Variants in C1orf167 observed in about 807,000 individuals in gnomAD.
The protein encoded by C1orf167 is chromosome 1 open reading frame 167.
In C1orf167, 153 loss-of-function variants were observed where a neutral mutation model predicts 176.5. That is an observed-to-expected ratio of 0.87 (90% CI 0.76 to 0.99). The LOEUF is 0.99. Ranked by LOEUF, C1orf167 falls within the 50% of genes least tolerant of loss-of-function variation. C1orf167 has a pLI of 0.00. For synonymous variants in C1orf167, 594 were observed against 752.7 expected, an observed-to-expected ratio of 0.79 and a Z score of 3.45; for missense variants, 1,490 against 1,817.7, an observed-to-expected ratio of 0.82 and a Z score of 3.28.
At chr1:11,769,892 G>A (rs1642973163) in intron 6 of C1orf167, among the ~76,000 whole-genome samples, 1 of 152,054 alleles carries the variant, frequency 6.6e-6, no homozygotes, top group African/African-American at 2.4e-5. Context: ...AGGACCTCAA[G>A]TGATCCACCT....
Position 11,766,511 on chromosome 1 carries a change from CT to C in C1orf167, c.727del (p.Ser243LeufsTer82). On this transcript the variant is annotated frameshift_variant, in exon 3 of 21. Coordinates refer to ENST00000688073, the MANE Select transcript of C1orf167 (RefSeq NM_001010881.2). LOFTEE classifies it high-confidence loss of function. The surrounding 1 kb of genome is among the most constrained non-coding windows in gnomAD (Gnocchi z 4.5). ...PSRAAVHQLL[A>X]SVHCLAQEAA... ...CGTGCTGCCGTCCACCAGCTGCTGGCTTCTGTACATTGCCTGGCGCAGGAGG... is the reference window on the plus strand; with the variant it reads ...CGTGCTGCCGTCCACCAGCTGCTGGCTCTGTACATTGCCTGGCGCAGGAGG... 4 of 1,276,100 alleles carry C rather than the reference CT, an allele frequency of 3.1e-6. No individual in the cohort carries two copies. The highest frequency in any genetic ancestry group is 4.1e-6 in the Non-Finnish European group (4 of 981,716). The allele number at this position is 1,276,100 out of a possible 1,614,324, so 79.0% of individuals were successfully genotyped here.
At chr1:11,767,289 A>C in intron 4 of C1orf167, 25 bp downstream of exon 4, 35 of 1,190,100 alleles carry the variant, frequency 2.9e-5, no homozygotes, top group Non-Finnish European at 3.7e-5. Context: ...GGGTGGGGAC[A>C]GGGGTTGGAG....
At position 11,776,502 on chromosome 1, in the gene C1orf167, G is replaced by A. The variant is rs1643322938; in HGVS notation, c.2203G>A (p.Gly735Ser). The A allele has an allele frequency of 3.1e-6, 4 of 1,301,514 alleles. No homozygotes were observed. The highest frequency in any genetic ancestry group is 3.0e-6 in the Non-Finnish European group (3 of 987,830). 80.6% of individuals were successfully genotyped at this position (1,301,514 alleles called of 1,614,324 possible). The part of the protein sequence containing the change: ...AVYTAGPGAC[G>S]LGAVGQAQGQ... The stretch of plus-strand genomic sequence containing the variant: ...CTACACCGCAGGCCCTGGAGCCTGT[G>A]GCCTGGGTGCAGTGGGCCAGGCCCA... Residue 735 changes from glycine to serine, a missense_variant, in exon 10 of 21, where the codon GGC becomes AGC. Physicochemically the swap from Gly to Ser is moderately conservative, Grantham distance 56. Coordinates refer to ENST00000688073, the MANE Select transcript of C1orf167 (RefSeq NM_001010881.2).
At chr1:11,772,855 C>CT (rs55638126) in intron 8 of C1orf167, among the ~76,000 whole-genome samples, 15,260 of 144,952 alleles carry the variant, frequency 0.11, 840 homozygotes, top group South Asian at 0.2. Context: ...CTATGAGTTT[C>CT]TTTTTTTGCT....
chr1:11,769,580 T>G (rs1034050077), intron 6 of C1orf167, among the ~76,000 whole-genome samples: 4 of 151,340 alleles, frequency 2.6e-5, no homozygotes, highest in African/African-American at 9.7e-5. Flanking sequence ...AAAAACAAGC[T>G]GAAAAGCAGC....
intron 20 of C1orf167, 163 bp downstream of exon 20, chr1:11,788,909 C>G: frequency 2.1e-6 from 1 of 470,724 alleles, no homozygotes; most frequent in South Asian, 1.9e-5. Flanking sequence ...AACACACAGG[C>G]TGGATGCTGG....
chr1:11,789,133 G>A (rs1644001097), intron 20 of C1orf167, 137 bp from the exon 21 acceptor site: 1 of 836,394 alleles, frequency 1.2e-6, no homozygotes, highest in Non-Finnish European at 1.7e-6. Context: ...GCCTAGGCAA[G>A]ACTGGCTGGC....
chr1:11,767,960 C>A, intron 4 of C1orf167, 117 bp from the exon 5 acceptor site: 1 of 704,636 alleles, frequency 1.4e-6, no homozygotes, highest in Non-Finnish European at 2.0e-6. Context: ...CCTGTTGTGG[C>A]GTGGGTCATC....
At chr1:11,764,757 TAAGA>T (rs1642703968) in intron 2 of C1orf167, among the ~76,000 whole-genome samples, 1 of 152,056 alleles carries the variant, frequency 6.6e-6, no homozygotes, top group African/African-American at 2.4e-5. Context: ...GCTGAGGCTT[TAAGA>T]AAGCCACAGA....
Position 11,787,392 on chromosome 1 carries a change from G to T in C1orf167, c.3572G>T (p.Arg1191Leu). The T allele has an allele frequency of 7.7e-7, 1 of 1,292,444 alleles. No homozygotes were observed. The highest frequency in any genetic ancestry group is 1.0e-6 in the Non-Finnish European group (1 of 982,848). The allele number at this position is 1,292,444 out of a possible 1,614,324, so 80.1% of individuals were successfully genotyped here. A position where few individuals can be genotyped will look rare whatever the true frequency, so the allele number is the denominator to read the frequency against. ...RLGLPGAGKTRSCWTQATELV... is the reference protein window; with the variant it reads ...RLGLPGAGKTLSCWTQATELV... ...CCTCTCTGGCTATTCCTTCAGACCC[G>T]CAGCTGCTGGACACAGGCCACAGAG... Residue 1191 changes from arginine (R) to leucine (L), a missense_variant, in exon 17 of 21, where the codon CGC (arginine) becomes CTC (leucine). Physicochemically the swap from Arg to Leu is moderately radical, Grantham distance 102. Transcript: ENST00000688073.
intron 13 of C1orf167, among the ~76,000 whole-genome samples, chr1:11,781,698 C>G (rs568674162): frequency 1.4e-4 from 22 of 152,230 alleles, no homozygotes; most frequent in Admixed American, 1.3e-3. Context: ...ATCACGAGGT[C>G]AGGAGATCGA....
chr1:11,779,808 C>A lies in C1orf167; in HGVS notation c.2658C>A (p.Phe886Leu). Residue 886 changes from phenylalanine (F) to leucine (L), a missense_variant, in exon 13 of 21, where the codon TTC (phenylalanine) becomes TTA (leucine). Physicochemically the swap from Phe to Leu is conservative, Grantham distance 22. Coordinates refer to ENST00000688073, the MANE Select transcript of C1orf167 (RefSeq NM_001010881.2). ...WYQHTRQRRIFLSWSRWATAQ... is the reference protein window; with the variant it reads ...WYQHTRQRRILLSWSRWATAQ... ...TGGACCCTCCCTTTCCCAGCATCTT[C>A]CTCAGCTGGAGCCGCTGGGCAACAG... is the stretch of plus-strand genomic sequence containing the variant. The A allele has an allele frequency of 7.7e-7, 1 of 1,301,494 alleles. No individual in the cohort carries two copies. Among genetic ancestry groups the A allele is most frequent in the Non-Finnish European group, 1.0e-6 (1 of 987,772 alleles). The allele number at this position is 1,301,494 out of a possible 1,614,324, so 80.6% of individuals were successfully genotyped here. A position where few individuals can be genotyped will look rare whatever the true frequency, so the allele number is the denominator to read the frequency against.
chr1:11,781,156 C>T (rs574082095), intron 13 of C1orf167, among the ~76,000 whole-genome samples: 52 of 151,990 alleles, frequency 3.4e-4, no homozygotes, highest in Non-Finnish European at 5.7e-4. Context: ...TGCCACCACA[C>T]CTGGCTAATT....
At position 11,776,481 on chromosome 1, in the gene C1orf167, A is replaced by C. The variant is rs1334823801; in HGVS notation, c.2182A>C (p.Thr728Pro). The change falls in exon 10 of 21, where the codon ACC becomes CCC. Residue 728 changes from threonine (T) to proline (P), a missense_variant. Thr to Pro is a conservative substitution (Grantham distance 38, BLOSUM62 -1). Transcript: ENST00000688073. Reference sequence around the variant, plus strand: ...TTTCTCAGGACGTGAGGCTGTCTACACCGCAGGCCCTGGAGCCTGTGGCCT... The same window carrying C: ...TTTCTCAGGACGTGAGGCTGTCTACCCCGCAGGCCCTGGAGCCTGTGGCCT... ...RQKAGREAVY[T>P]AGPGACGLGA... 2 of 1,302,032 alleles carry C rather than the reference A, an allele frequency of 1.5e-6. No homozygotes were observed. Among genetic ancestry groups the C allele is most frequent in the Non-Finnish European group, 2.0e-6 (2 of 988,048 alleles). 80.7% of individuals were successfully genotyped at this position (1,302,032 alleles called of 1,614,324 possible).
chr1:11,787,923 C>A lies in C1orf167; in HGVS notation c.3724C>A (p.Pro1242Thr). The change falls in exon 18 of 21, where the codon CCT (proline) becomes ACT (threonine). Residue 1242 changes from proline (P) to threonine (T), a missense_variant. Pro to Thr is a conservative substitution (Grantham distance 38). Transcript: ENST00000688073. The stretch of plus-strand genomic sequence containing the variant: ...TGCCTTCCAGCTCTGGCCACAGTGG[C>A]CTGGACAGAGTAGCTGGGTCCCAGG... ...CPAFQLWPQW[P>T]GQSSWVPGLP... The A allele has an allele frequency of 7.7e-7, 1 of 1,300,912 alleles. No individual in the cohort carries two copies. The highest frequency in any genetic ancestry group is 1.0e-6 in the Non-Finnish European group (1 of 987,062). The allele number at this position is 1,300,912 out of a possible 1,614,324, so 80.6% of individuals were successfully genotyped here.
intron 4 of C1orf167, 128 bp downstream of exon 4, chr1:11,767,392 G>A (rs2100255474): frequency 2.4e-6 from 2 of 830,038 alleles, no homozygotes; most frequent in Non-Finnish European, 3.4e-6. Context: ...CAAGGAAGAG[G>A]AACTTACTAC....
At chr1:11,775,737 G>A in intron 9 of C1orf167, 127 bp downstream of exon 9, 1 of 1,154,736 alleles carries the variant, frequency 8.7e-7, no homozygotes, top group South Asian at 1.5e-5. Flanking sequence ...AGGGCAGCCT[G>A]TAGGCCTGGG....
intron 1 of C1orf167, among the ~76,000 whole-genome samples, chr1:11,763,038 A>G (rs1642590978): frequency 6.6e-6 from 1 of 152,126 alleles, no homozygotes; most frequent in African/African-American, 2.4e-5. Flanking sequence ...CGCTGAGGTG[A>G]GGTCGTGTGT....
intron 16 of C1orf167, 95 bp from the exon 17 acceptor site, chr1:11,787,293 T>C: frequency 3.2e-6 from 2 of 630,146 alleles, no homozygotes; most frequent in South Asian, 4.0e-5. Flanking sequence ...GGCCGGGATG[T>C]GTCCTGCCAG....
Sources: allele counts gnomAD v4.1 joint callset (sites outside exome capture counted in the v4.1 genomes callset), GRCh38; gene constraint gnomAD v4.1.1; non-coding constraint Gnocchi (gnomAD v3.1); transcripts MANE v1.5; gene names NCBI Gene and HGNC (gene_info 2026-07-23, HGNC 2026-07-21).